Variants in TSHZ2 observed in about 807,000 individuals in gnomAD.
TSHZ2 encodes teashirt homolog 2.
Under a neutral mutation model 74.4 loss-of-function variants are expected in TSHZ2, and 21 were observed. The ratio of observed to expected loss-of-function variants is 0.28; its 90% confidence interval spans 0.20 to 0.41. The LOEUF (loss-of-function observed/expected upper bound fraction) is 0.41. Ranked by LOEUF, TSHZ2 falls within the 10% of genes least tolerant of loss-of-function variation. TSHZ2 has a pLI of 1.00. For missense variants in TSHZ2, 1,244 were observed against 1,293.5 expected, an observed-to-expected ratio of 0.96 and a Z score of 0.59; for synonymous variants, 540 against 515.3, an observed-to-expected ratio of 1.05 and a Z score of -0.65.
In TSHZ2 at chr20:53,283,093, C is replaced by G. The variant is rs75782204; in HGVS notation, c.*8+26522C>G. ...ATCATAATTAACATGGAGTTAGCGC[C>G]CTACCAGTGTTATCTCATTATTCCC... is the stretch of plus-strand genomic sequence containing the variant. On this transcript the variant is annotated intron_variant, in intron 2 of 2. Coordinates refer to ENST00000371497, the MANE Select transcript of TSHZ2 (RefSeq NM_173485.6). Among the ~76,000 whole-genome samples, 1,052 of 152,286 alleles carry G rather than the reference C, an allele frequency of 6.9e-3. 18 individuals carry two copies. Among genetic ancestry groups the G allele is most frequent in the African/African-American group, 0.024 (998 of 41,550 alleles).
chr20:53,334,565 C>T (rs947549532), intron 2 of TSHZ2, among the ~76,000 whole-genome samples: 2 of 152,116 alleles, frequency 1.3e-5, no homozygotes, highest in Non-Finnish European at 2.9e-5. Context: ...ATTGCACTTC[C>T]AGTGTGCGGC....
chr20:53,361,111 C>T (rs1981034223), intron 2 of TSHZ2, among the ~76,000 whole-genome samples: 1 of 152,210 alleles, frequency 6.6e-6, no homozygotes, highest in Non-Finnish European at 1.5e-5. Flanking sequence ...TCACTGGCCC[C>T]ATCCTCTCTG....
At chr20:53,424,418 G>A (rs920670221) in intron 2 of TSHZ2, among the ~76,000 whole-genome samples, 9 of 152,080 alleles carry the variant, frequency 5.9e-5, no homozygotes, top group Non-Finnish European at 1.2e-4. Flanking sequence ...AGAATATCCC[G>A]GATGACCATT....
At chr20:53,350,240 T>C (rs1485141955) in intron 2 of TSHZ2, among the ~76,000 whole-genome samples, 1 of 152,280 alleles carries the variant, frequency 6.6e-6, no homozygotes, top group African/African-American at 2.4e-5. Flanking sequence ...TTATTCAGCC[T>C]ATCACATATG....
intron 2 of TSHZ2, among the ~76,000 whole-genome samples, chr20:53,313,719 G>A (rs1978881218): frequency 6.6e-6 from 1 of 152,226 alleles, no homozygotes; most frequent in South Asian, 2.1e-4. Flanking sequence ...ACCTGCACAA[G>A]CTACTTGACC....
chr20:53,445,391 G>A (rs995393764), intron 2 of TSHZ2, among the ~76,000 whole-genome samples: 5 of 152,102 alleles, frequency 3.3e-5, no homozygotes, highest in African/African-American at 7.2e-5. Context: ...AATCACTAAC[G>A]AATCTTAACT....
intron 1 of TSHZ2, among the ~76,000 whole-genome samples, chr20:53,221,250 A>ATTAAACCTCCTTCCT (rs1198035399): frequency 6.6e-6 from 1 of 152,180 alleles, no homozygotes; most frequent in Non-Finnish European, 1.5e-5. Context: ...CTGTGAGTCC[A>ATTAAACCTCCTTCCT]TTAAACCTCC....
At chr20:53,443,595 T>A (rs528711054) in intron 2 of TSHZ2, among the ~76,000 whole-genome samples, 2 of 152,340 alleles carry the variant, frequency 1.3e-5, no homozygotes, top group South Asian at 4.1e-4. Context: ...TCTTCAGGTA[T>A]CATCTGTCTC....
rs1405534092 is a variant in TSHZ2 at position 53,084,045 on chromosome 20, T to G, written c.40+110712T>G. Among the ~76,000 whole-genome samples, 4 of 152,284 alleles carry G rather than the reference T, an allele frequency of 2.6e-5. No homozygotes were observed. The East Asian group carries it at 7.7e-4, about 29-fold the overall frequency. On this transcript the variant is annotated intron_variant, in intron 1 of 2. Transcript: ENST00000371497. Reference sequence around the variant, plus strand: ...TAAGATAACATAGCTAAGGTATTTTTCATAATGTTTGCCACAGAATAGCCA... The same window carrying G: ...TAAGATAACATAGCTAAGGTATTTTGCATAATGTTTGCCACAGAATAGCCA...
intron 2 of TSHZ2, among the ~76,000 whole-genome samples, chr20:53,468,050 T>C (rs1009118699): frequency 3.3e-5 from 5 of 152,220 alleles, no homozygotes; most frequent in Admixed American, 6.5e-5. Flanking sequence ...AAAAATGTTT[T>C]ACTTAACACT....
In TSHZ2 at chr20:53,085,372, AAG is replaced by A. The variant is rs145856132; in HGVS notation, c.40+112057_40+112058del. Among the ~76,000 whole-genome samples, 692 of 150,390 alleles carry A rather than the reference AAG, an allele frequency of 4.6e-3. 3 individuals are homozygous for A. The highest frequency in any genetic ancestry group is 0.016 in the African/African-American group (642 of 41,150). ...ACAATGAAACTCCATCTCAAAAAGA[AAG>A]AGAGAGAGAGAGAGAGAAAGAAAGA... On this transcript the variant is annotated intron_variant, in intron 1 of 2. Transcript: ENST00000371497.
At chr20:53,257,589 C>A (rs151242466) in intron 2 of TSHZ2, among the ~76,000 whole-genome samples, 1 of 152,310 alleles carries the variant, frequency 6.6e-6, no homozygotes, top group African/African-American at 2.4e-5. Context: ...GGGTCTTAAC[C>A]AATCTCTTTC....
chr20:53,248,467 C>A (rs1476625835), intron 1 of TSHZ2, among the ~76,000 whole-genome samples: 1 of 152,138 alleles, frequency 6.6e-6, no homozygotes, highest in Non-Finnish European at 1.5e-5. Context: ...TAGGGTAAAA[C>A]AAATGCAGCA....
chr20:53,434,991 T>G (rs1243918623), intron 2 of TSHZ2, among the ~76,000 whole-genome samples: 1 of 152,204 alleles, frequency 6.6e-6, no homozygotes, highest in Non-Finnish European at 1.5e-5. Flanking sequence ...TCACATAGTA[T>G]TTCTGAATGC....
chr20:53,309,892 C>T (rs1446735888), intron 2 of TSHZ2, among the ~76,000 whole-genome samples: 1 of 152,158 alleles, frequency 6.6e-6, no homozygotes, highest in Non-Finnish European at 1.5e-5. Flanking sequence ...AAGGAGGGCT[C>T]ATGATCAAAT....
At chr20:53,407,466 T>C (rs1443888127) in intron 2 of TSHZ2, among the ~76,000 whole-genome samples, 1 of 152,238 alleles carries the variant, frequency 6.6e-6, no homozygotes, top group African/African-American at 2.4e-5. Flanking sequence ...AAATGGGTTA[T>C]GGACAGGCAT....
At chr20:53,274,608 G>A (rs1043122421) in intron 2 of TSHZ2, among the ~76,000 whole-genome samples, 1 of 152,238 alleles carries the variant, frequency 6.6e-6, no homozygotes, top group Non-Finnish European at 1.5e-5. Context: ...TGAGGTAGAT[G>A]TCAGATGACA....
At position 53,255,035 on chromosome 20, in the gene TSHZ2, C is replaced by A; in HGVS notation, c.1577C>A (p.Thr526Lys). 6.2e-7 allele frequency: 1 copy of A among 1,614,184 alleles called. No homozygotes were observed. ...ILKSLENTVT[T>K]AINKAQNGAP... Reference sequence around the variant, plus strand: ...AAATCTTTGGAAAATACTGTCACCACAGCCATCAACAAAGCCCAAAACGGG... The same window carrying A: ...AAATCTTTGGAAAATACTGTCACCAAAGCCATCAACAAAGCCCAAAACGGG... The change falls in exon 2 of 3, where the codon ACA becomes AAA. Residue 526 changes from threonine (T) to lysine (K), a missense_variant. By Grantham distance (78) the Thr-to-Lys change is moderately conservative. Transcript: ENST00000371497. The surrounding 1 kb of genome is among the most constrained non-coding windows in gnomAD (Gnocchi z 4.1).
At chr20:53,244,582 A>T (rs1006982461) in intron 1 of TSHZ2, among the ~76,000 whole-genome samples, 10 of 152,204 alleles carry the variant, frequency 6.6e-5, no homozygotes, top group African/African-American at 1.9e-4. Context: ...TGTCACCAAG[A>T]CACGTCGCAA....
Sources: gnomAD v4.1 joint callset for allele counts (sites outside exome capture counted in the v4.1 genomes callset) on GRCh38, gnomAD v4.1.1 for gene constraint, Gnocchi (gnomAD v3.1) non-coding constraint, MANE v1.5 for transcripts, NCBI Gene and HGNC (gene_info 2026-07-23, HGNC 2026-07-21) for gene names.